The following CRPPA variants were observed in gnomAD, a reference collection of about 807,000 sequenced individuals.
CRPPA encodes D-ribitol-5-phosphate cytidylyltransferase.
Under a neutral mutation model 52.0 loss-of-function variants are expected in CRPPA, and 43 were observed. That is an observed-to-expected ratio of 0.83 (90% confidence interval 0.65 to 1.07). The LOEUF is 1.07. CRPPA is among the 50% of genes least tolerant of loss of function. CRPPA has a pLI of 0.00. For missense variants in CRPPA, 629 were observed against 551.7 expected (o/e 1.14, Z -1.40); for synonymous variants, 250 against 203.5 (o/e 1.23, Z -1.94).
chr7:16,201,515 C>G (rs925598522), intron 9 of CRPPA, among the ~76,000 whole-genome samples: 2 of 152,196 alleles, frequency 1.3e-5, no homozygotes, highest in African/African-American at 4.8e-5. Context: ...TCACAGATGG[C>G]TACCCACTTT....
At chr7:16,306,232 C>T (rs572963049) in intron 4 of CRPPA, among the ~76,000 whole-genome samples, 6 of 152,286 alleles carry the variant, frequency 3.9e-5, no homozygotes, top group African/African-American at 1.2e-4. Flanking sequence ...ACAGGTGCCA[C>T]GGATTAGGAC....
intron 3 of CRPPA, among the ~76,000 whole-genome samples, chr7:16,375,825 A>G (rs753831270): frequency 7.2e-5 from 11 of 152,190 alleles, no homozygotes; most frequent in Non-Finnish European, 1.5e-4. Context: ...CTGAATTTTC[A>G]CTGCTGGAAG....
intron 3 of CRPPA, among the ~76,000 whole-genome samples, chr7:16,359,509 CT>C (rs1250256759): frequency 1.3e-5 from 2 of 152,136 alleles, no homozygotes; most frequent in African/African-American, 4.8e-5. Context: ...ATGTCTAATT[CT>C]TTACTGTCCA....
rs376984322 is a variant in CRPPA, at chr7:16,237,752, C to T, written c.1119+20638G>A. 3.3e-5 allele frequency among the ~76,000 whole-genome samples: 5 copies of T among 152,328 alleles called. No homozygotes were observed. In the East Asian group the frequency reaches 7.7e-4, roughly 23 times the overall value. ...CTAGGCAGTGCTGCTTTATAGACTT[C>T]AAACTTAGAAGGCCCAGCTCAAACT... On this transcript the variant is annotated intron_variant, in intron 8 of 9. Coordinates refer to ENST00000407010, the MANE Select transcript of CRPPA (RefSeq NM_001101426.4).
rs570942781 is a variant in CRPPA, at chr7:16,132,166, C to T, written c.1252-40367G>A. Among the ~76,000 whole-genome samples, 59 of 63,634 alleles carry T rather than the reference C, an allele frequency of 9.3e-4. 20 individuals carry two copies. The South Asian group carries it at 0.059, about 64-fold the overall frequency. The allele number at this position is 63,634 out of a possible 152,430, so 41.7% of individuals were successfully genotyped here. ...ATGGAACCAAAGAGTGATCTTGAGC[C>T]TTATGAACTAATGGCATTTGCCTTA... On this transcript the variant is annotated intron_variant, in intron 9 of 9. Coordinates refer to ENST00000407010, the MANE Select transcript of CRPPA (RefSeq NM_001101426.4).
chr7:16,206,833 G>A (rs1781985891), intron 9 of CRPPA, among the ~76,000 whole-genome samples: 1 of 152,038 alleles, frequency 6.6e-6, no homozygotes, highest in South Asian at 2.1e-4. Flanking sequence ...CTGTAGATAT[G>A]TTTATTATTA....
chr7:16,112,715 A>T (rs879867318), intron 9 of CRPPA, among the ~76,000 whole-genome samples: 7 of 152,180 alleles, frequency 4.6e-5, no homozygotes, highest in African/African-American at 1.4e-4. Flanking sequence ...GTAGGGGGGA[A>T]CTGTTTAGAA....
At chr7:16,122,127 G>A (rs1035197073) in intron 9 of CRPPA, among the ~76,000 whole-genome samples, 2 of 152,030 alleles carry the variant, frequency 1.3e-5, no homozygotes, top group African/African-American at 4.8e-5. Flanking sequence ...TAATTCTCCA[G>A]TTTGCTGGAT....
At chr7:16,342,844 G>GAT (rs1785909530) in intron 3 of CRPPA, among the ~76,000 whole-genome samples, 1 of 143,336 alleles carries the variant, frequency 7.0e-6, no homozygotes. Flanking sequence ...TAGATATATA[G>GAT]ATATACATAT....
At chr7:16,187,183 C>G (rs1372504618) in intron 9 of CRPPA, among the ~76,000 whole-genome samples, 9 of 152,066 alleles carry the variant, frequency 5.9e-5, no homozygotes, top group Admixed American at 5.9e-4. Flanking sequence ...CCCCATGATA[C>G]CTAAATTATT....
At chr7:16,356,835 A>G (rs1303309605) in intron 3 of CRPPA, among the ~76,000 whole-genome samples, 3 of 152,158 alleles carry the variant, frequency 2.0e-5, no homozygotes. Context: ...GTAAGTTTTA[A>G]CTACATACTG....
chr7:16,168,435 T>C (rs1781111201), intron 9 of CRPPA, among the ~76,000 whole-genome samples: 1 of 152,014 alleles, frequency 6.6e-6, no homozygotes, highest in South Asian at 2.1e-4. Flanking sequence ...AACTATTAAA[T>C]TTATAGTCCA....
Position 16,091,778 on chromosome 7 carries a change from T to G in CRPPA, c.1273A>C (p.Ser425Arg). ...ATAATGATAGCACCTTGCCTTAAAC[T>G]CTCCTGTAGCTTCTGATCATCCTGA... ...YPQDDQKLQE[S>R]LRQGAIIIAS... Residue 425 changes from serine (S) to arginine (R), a missense_variant, in exon 10 of 10, where the codon AGT (serine) becomes CGT (arginine). Transcript: ENST00000407010. 1 of 1,538,264 alleles carries G rather than the reference T, an allele frequency of 6.5e-7. No individual in the cohort carries two copies. Among genetic ancestry groups the G allele is most frequent in the African/African-American group, 1.4e-5 (1 of 72,524 alleles).
chr7:16,166,064 C>G (rs1781058064), intron 9 of CRPPA, among the ~76,000 whole-genome samples: 1 of 152,142 alleles, frequency 6.6e-6, no homozygotes, highest in Non-Finnish European at 1.5e-5. Context: ...TATTCCTTAC[C>G]TCTTAAATGT....
At chr7:16,394,411 C>T (rs1787520009) in intron 2 of CRPPA, among the ~76,000 whole-genome samples, 1 of 152,012 alleles carries the variant, frequency 6.6e-6, no homozygotes, top group Non-Finnish European at 1.5e-5. Flanking sequence ...CCAAAACATT[C>T]TTCAGGAAAA....
chr7:16,361,461 G>A (rs1003640475), intron 3 of CRPPA, among the ~76,000 whole-genome samples: 10 of 152,180 alleles, frequency 6.6e-5, no homozygotes, highest in Admixed American at 1.3e-4. Context: ...AGTAACCCAA[G>A]TGTGTCCATT....
rs1562608567 is a variant in CRPPA at position 16,286,072 on chromosome 7, T to TTTA, written c.836-7847_836-7846insTAA. Among the ~76,000 whole-genome samples the TTTA allele has an allele frequency of 7.8e-4, 16 of 20,598 alleles. 1 individual carries two copies. The highest frequency in any genetic ancestry group is 4.2e-3 in the African/African-American group (13 of 3,092). 13.5% of individuals were successfully genotyped at this position (20,598 alleles called of 152,430 possible). A position where few individuals can be genotyped will look rare whatever the true frequency, so the allele number is the denominator to read the frequency against. ...ATATATATATATATATATATATATA[T>TTTA]ATATATATAATATTTAAAAAAAAAA... On this transcript the variant is annotated intron_variant, in intron 5 of 9. Coordinates refer to ENST00000407010, the MANE Select transcript of CRPPA (RefSeq NM_001101426.4).
At chr7:16,289,284 G>T (rs1784512354) in intron 5 of CRPPA, among the ~76,000 whole-genome samples, 1 of 152,120 alleles carries the variant, frequency 6.6e-6, no homozygotes, top group African/African-American at 2.4e-5. Context: ...ATATCAAGAA[G>T]AACTGATACT....
intron 9 of CRPPA, among the ~76,000 whole-genome samples, chr7:16,212,038 C>T (rs1345930054): frequency 6.6e-6 from 1 of 151,964 alleles, no homozygotes; most frequent in Non-Finnish European, 1.5e-5. Context: ...ATAATTCTCA[C>T]AAATCTTTTA....
Sources: gnomAD v4.1 joint callset for allele counts (sites outside exome capture counted in the v4.1 genomes callset) on GRCh38, gnomAD v4.1.1 for gene constraint, MANE v1.5 for transcripts, NCBI Gene and HGNC (gene_info 2026-07-23, HGNC 2026-07-21) for gene names.